The following ZNF532 variants were observed in gnomAD, a reference collection of about 807,000 sequenced individuals.
ZNF532 encodes zinc finger protein 532.
In ZNF532, 22 loss-of-function variants were observed where a neutral mutation model predicts 89.3. The ratio of observed to expected loss-of-function variants is 0.25; its 90% CI spans 0.18 to 0.35. The LOEUF is 0.35. Among genes scored for constraint, ZNF532 ranks in the 10% least tolerant of loss-of-function variants. The pLI, the probability that ZNF532 is intolerant of heterozygous loss-of-function variation, is 1.00. For missense variants in ZNF532, 1,132 were observed against 1,643.4 expected (o/e 0.69, Z 5.38); for synonymous variants, 606 against 649.6 (o/e 0.93, Z 1.02).
intron 2 of ZNF532, among the ~76,000 whole-genome samples, chr18:58,911,665 C>G (rs2060291498): frequency 6.6e-6 from 1 of 152,186 alleles, no homozygotes; most frequent in African/African-American, 2.4e-5. Context: ...CCAGCCTGGA[C>G]AGCAGAGCCA....
At chr18:58,890,985 C>G (rs551025803) in intron 2 of ZNF532, among the ~76,000 whole-genome samples, 1 of 152,228 alleles carries the variant, frequency 6.6e-6, no homozygotes, top group South Asian at 2.1e-4. Context: ...GCAGGAACTA[C>G]ACGCATGCCA....
chr18:58,888,754 T>TA (rs1284367251), intron 2 of ZNF532, among the ~76,000 whole-genome samples: 1 of 44,182 alleles, frequency 2.3e-5, no homozygotes, highest in South Asian at 6.8e-4. Context: ...TATATATATA[T>TA]AAAATTAATA....
At position 58,985,350 on chromosome 18, in the gene ZNF532, A is replaced by G. The variant is rs1310807174; in HGVS notation, c.*884A>G. 4 of 152,600 alleles carry G rather than the reference A, an allele frequency of 2.6e-5. No homozygotes were observed. Among genetic ancestry groups the G allele is most frequent in the Non-Finnish European group, 5.9e-5 (4 of 68,028 alleles). The allele number at this position is 152,600 out of a possible 1,614,324, so 9.5% of individuals were successfully genotyped here. ...CAGGTTTTTGTCATGTAATTTATTA[A>G]CTAACTATTACAGAAACACAGCTAA... On this transcript the variant is annotated 3_prime_UTR_variant, in exon 10 of 10. Coordinates refer to ENST00000591808, the MANE Select transcript of ZNF532 (RefSeq NM_001375912.1).
intron 9 of ZNF532, among the ~76,000 whole-genome samples, chr18:58,982,195 T>C (rs958380231): frequency 1.3e-5 from 2 of 151,282 alleles, no homozygotes; most frequent in Non-Finnish European, 2.9e-5. Flanking sequence ...TCCCAGCTAC[T>C]TGGGAGGCTG....
At chr18:58,973,167 A>T (rs774710659) in intron 7 of ZNF532, among the ~76,000 whole-genome samples, 1 of 152,194 alleles carries the variant, frequency 6.6e-6, no homozygotes, top group Non-Finnish European at 1.5e-5. Flanking sequence ...CAGTGGCACT[A>T]TCTCTGCTCA....
At chr18:58,890,858 A>AT (rs1204757982) in intron 2 of ZNF532, among the ~76,000 whole-genome samples, 1 of 136,978 alleles carries the variant, frequency 7.3e-6, no homozygotes, top group African/African-American at 2.7e-5. Context: ...TTCTTAAACT[A>AT]TTTTTTTAGA....
chr18:58,945,932 T>C (rs2146852658), intron 5 of ZNF532, among the ~76,000 whole-genome samples: 1 of 152,230 alleles, frequency 6.6e-6, no homozygotes, highest in South Asian at 2.1e-4. Context: ...GGTTTGACCA[T>C]GTTGGCCAGG....
chr18:58,972,670 C>T (rs1459694346), intron 7 of ZNF532, among the ~76,000 whole-genome samples: 7 of 152,080 alleles, frequency 4.6e-5, no homozygotes, highest in Admixed American at 1.3e-4. Flanking sequence ...TGTCTGAATC[C>T]CTGTCTCCCT....
At chr18:58,892,180 G>T (rs1291622548) in intron 2 of ZNF532, among the ~76,000 whole-genome samples, 1 of 152,192 alleles carries the variant, frequency 6.6e-6, no homozygotes, top group Non-Finnish European at 1.5e-5. Context: ...TAAAGCAAAA[G>T]AGTGAAACAC....
At chr18:58,900,349 T>G (rs1428561635) in intron 2 of ZNF532, among the ~76,000 whole-genome samples, 1 of 152,210 alleles carries the variant, frequency 6.6e-6, no homozygotes, top group African/African-American at 2.4e-5. Context: ...GGTCAGGCTC[T>G]CTGTTCTGGT....
intron 2 of ZNF532, among the ~76,000 whole-genome samples, chr18:58,880,765 C>T (rs375391755): frequency 0.32 from 41,641 of 129,162 alleles, 6,386 homozygotes; most frequent in Middle Eastern, 0.49. Flanking sequence ...CGCGCGCACG[C>T]GCGCGCGTCT....
rs375701721 is a variant in ZNF532, at chr18:58,879,716, G to A, written c.-18+14137G>A. On this transcript the variant is annotated intron_variant, in intron 2 of 9. Transcript: ENST00000591808. The stretch of plus-strand genomic sequence containing the variant: ...TGGCAGCTGCCTTTTTCTATAGCAT[G>A]TACTCTTGTTCATACATTAAAAACA... Among the ~76,000 whole-genome samples, 238 of 152,244 alleles carry A rather than the reference G, an allele frequency of 1.6e-3. 1 individual carries two copies. Among genetic ancestry groups the A allele is most frequent in the Middle Eastern group, 6.8e-3 (2 of 294 alleles).
chr18:58,884,463 T>G (rs924402522), intron 2 of ZNF532, among the ~76,000 whole-genome samples: 2 of 148,676 alleles, frequency 1.3e-5, no homozygotes, highest in Non-Finnish European at 3.0e-5. Context: ...GACAAAAGCT[T>G]CTGTGCAGGA....
intron 2 of ZNF532, among the ~76,000 whole-genome samples, chr18:58,882,068 C>T (rs1247007429): frequency 6.6e-6 from 1 of 152,132 alleles, no homozygotes; most frequent in Non-Finnish European, 1.5e-5. Context: ...GGTGATCCTC[C>T]CACCTCAGCC....
chr18:58,949,261 A>G (rs2063933834), intron 6 of ZNF532, among the ~76,000 whole-genome samples: 1 of 152,198 alleles, frequency 6.6e-6, no homozygotes, highest in Non-Finnish European at 1.5e-5. Context: ...GTAATATGTT[A>G]AGCATTTTTT....
At chr18:58,945,734 T>A (rs1026313225) in intron 5 of ZNF532, among the ~76,000 whole-genome samples, 30 of 149,874 alleles carry the variant, frequency 2.0e-4, no homozygotes, top group African/African-American at 1.5e-4. Context: ...TTTATTTATT[T>A]TTTTTTTTTT....
intron 2 of ZNF532, among the ~76,000 whole-genome samples, chr18:58,902,954 C>A (rs1418004535): frequency 6.6e-6 from 1 of 152,200 alleles, no homozygotes; most frequent in Non-Finnish European, 1.5e-5. Flanking sequence ...TTCCTCTGAT[C>A]ATACCATCAT....
At chr18:58,967,608 A>G (rs1603311114) in intron 7 of ZNF532, among the ~76,000 whole-genome samples, 1 of 151,976 alleles carries the variant, frequency 6.6e-6, no homozygotes, top group Non-Finnish European at 1.5e-5. Context: ...CTGTTGTTCA[A>G]CAGATTATAA....
chr18:58,918,222 G>A (rs772822869), intron 2 of ZNF532, 49 bp from the exon 3 acceptor site: 14 of 1,515,026 alleles, frequency 9.2e-6, no homozygotes, highest in Middle Eastern at 1.7e-4. Flanking sequence ...TTATCTCATC[G>A]TGAGGAAATA....
Sources: gnomAD v4.1 joint callset for allele counts (sites outside exome capture counted in the v4.1 genomes callset) on GRCh38, gnomAD v4.1.1 for gene constraint, MANE v1.5 for transcripts, NCBI Gene and HGNC (gene_info 2026-07-23, HGNC 2026-07-21) for gene names.